The following GHR variants were observed in gnomAD, a reference collection of about 807,000 sequenced individuals.
The protein encoded by GHR is growth hormone receptor.
Under a neutral mutation model 67.1 loss-of-function variants are expected in GHR, and 35 were observed. That is an observed-to-expected ratio of 0.52 (90% CI 0.40 to 0.69). GHR has a LOEUF of 0.69. GHR is among the 30% of genes least tolerant of loss of function. The pLI, the probability that GHR is intolerant of heterozygous loss-of-function variation, is 0.00. For missense variants in GHR, 792 were observed against 764.6 expected, an observed-to-expected ratio of 1.04 and a Z score of -0.42; for synonymous variants, 272 against 269.1, an observed-to-expected ratio of 1.01 and a Z score of -0.10.
intron 1 of GHR, among the ~76,000 whole-genome samples, chr5:42,555,575 G>A (rs77250624): frequency 0.01 from 1,571 of 152,210 alleles, 16 homozygotes; most frequent in Non-Finnish European, 0.014. Flanking sequence ...GTGTGAGCTT[G>A]GGAGATTTAC....
chr5:42,663,429 G>A (rs958595300), intron 3 of GHR, among the ~76,000 whole-genome samples: 1 of 152,180 alleles, frequency 6.6e-6, no homozygotes, highest in Non-Finnish European at 1.5e-5. Context: ...GGGATGCAAG[G>A]CTGGTTCAAT....
chr5:42,513,375 G>A (rs998380316), intron 1 of GHR, among the ~76,000 whole-genome samples: 2 of 152,184 alleles, frequency 1.3e-5, no homozygotes, highest in African/African-American at 4.8e-5. Flanking sequence ...CCATATAGAG[G>A]CCGGTTATCT....
chr5:42,429,757 A>C (rs1420933626), intron 1 of GHR, among the ~76,000 whole-genome samples: 1 of 152,238 alleles, frequency 6.6e-6, no homozygotes, highest in Non-Finnish European at 1.5e-5. Flanking sequence ...AAATATACCG[A>C]AAGTAGAATG....
intron 1 of GHR, among the ~76,000 whole-genome samples, chr5:42,479,154 T>A (rs1440997656): frequency 6.6e-6 from 1 of 152,236 alleles, no homozygotes; most frequent in African/African-American, 2.4e-5. Context: ...ATGTGGTTTT[T>A]GTCTTTGGTT....
At chr5:42,639,979 A>T (rs1030360287) in intron 3 of GHR, among the ~76,000 whole-genome samples, 1 of 152,122 alleles carries the variant, frequency 6.6e-6, no homozygotes, top group African/African-American at 2.4e-5. Flanking sequence ...GTTAGCATAG[A>T]TTTCATAGTG....
intron 8 of GHR, among the ~76,000 whole-genome samples, chr5:42,715,558 T>C (rs1390236700): frequency 6.6e-6 from 1 of 152,218 alleles, no homozygotes; most frequent in African/African-American, 2.4e-5. Context: ...TTATACTGGT[T>C]CCTACCACAC....
At position 42,576,134 on chromosome 5, in the gene GHR, AAAAT is replaced by A. The variant is rs1561136062; in HGVS notation, c.70+10194_70+10197del. Among the ~76,000 whole-genome samples, 44 of 101,270 alleles carry A rather than the reference AAAAT, an allele frequency of 4.3e-4. 1 individual carries two copies. Among genetic ancestry groups the A allele is most frequent in the African/African-American group, 1.6e-3 (42 of 25,682 alleles). 66.4% of individuals were successfully genotyped at this position (101,270 alleles called of 152,430 possible). A position where few individuals can be genotyped will look rare whatever the true frequency, so the allele number is the denominator to read the frequency against. ...AAAATAAAATAAAATAAAATAAAAT[AAAAT>A]AAAATAGTAAAGTAAAATAAAATAA... is the stretch of plus-strand genomic sequence containing the variant. On this transcript the variant is annotated intron_variant, in intron 2 of 9. Coordinates refer to ENST00000230882, the MANE Select transcript of GHR (RefSeq NM_000163.5).
At chr5:42,514,173 A>T in intron 1 of GHR, 1 of 985,120 alleles carries the variant, frequency 1.0e-6, no homozygotes, top group African/African-American at 1.7e-5. Context: ...TCTTACAAGT[A>T]ATTTTTGGAT....
At chr5:42,466,962 T>C (rs1744758840) in intron 1 of GHR, 3 of 1,556,162 alleles carry the variant, frequency 1.9e-6, no homozygotes, top group Admixed American at 1.9e-5. Context: ...ACTTCTTATA[T>C]TCATAGGGCT....
rs2112767470 is a variant in GHR, at chr5:42,635,521, T to A, written c.136+6418T>A. On this transcript the variant is annotated intron_variant, in intron 3 of 9. Coordinates refer to ENST00000230882, the MANE Select transcript of GHR (RefSeq NM_000163.5). ...ACTTATATGGACTTTGCAGTGACTTTTTTCCAGCCTGAAATACTCAGATAA... is the reference window on the plus strand; with the variant it reads ...ACTTATATGGACTTTGCAGTGACTTATTTCCAGCCTGAAATACTCAGATAA... Among the ~76,000 whole-genome samples the A allele has an allele frequency of 1.3e-5, 2 of 152,370 alleles. 1 individual carries two copies. Among genetic ancestry groups the A allele is most frequent in the South Asian group, 4.1e-4 (2 of 4,834 alleles).
At chr5:42,475,167 C>CG (rs1745247751) in intron 1 of GHR, among the ~76,000 whole-genome samples, 1 of 152,032 alleles carries the variant, frequency 6.6e-6, no homozygotes, top group East Asian at 1.9e-4. Flanking sequence ...TGTGAGCCAC[C>CG]GCGCCCAGCC....
chr5:42,662,017 C>A (rs909865914), intron 3 of GHR, among the ~76,000 whole-genome samples: 3 of 152,168 alleles, frequency 2.0e-5, no homozygotes, highest in South Asian at 4.1e-4. Context: ...AAGGCCATTA[C>A]ATAATGGTAA....
Position 42,629,138 on chromosome 5 carries a change from T to C in GHR, c.136+35T>C, listed in dbSNP as rs1469831723. 2.8e-6 allele frequency: 3 copies of C among 1,057,640 alleles called. 1 individual carries two copies. Among genetic ancestry groups the C allele is most frequent in the South Asian group, 1.3e-5 (1 of 75,206 alleles). The allele number at this position is 1,057,640 out of a possible 1,614,324, so 65.5% of individuals were successfully genotyped here. A position where few individuals can be genotyped will look rare whatever the true frequency, so the allele number is the denominator to read the frequency against. ...TCAGTCCTTTTTCTTCCTTCAATGA[T>C]ATTTTCCATGTTTTAGTGTAATTAA... On this transcript the variant is annotated intron_variant, in intron 3 of 9. Transcript: ENST00000230882.
At chr5:42,498,322 G>T (rs1391077452) in intron 1 of GHR, among the ~76,000 whole-genome samples, 1 of 152,188 alleles carries the variant, frequency 6.6e-6, no homozygotes, top group East Asian at 1.9e-4. Context: ...ATTCTCCCTT[G>T]AGTCTGGAGA....
intron 3 of GHR, among the ~76,000 whole-genome samples, chr5:42,684,995 C>T (rs1757069837): frequency 6.6e-6 from 1 of 151,836 alleles, no homozygotes; most frequent in Admixed American, 6.6e-5. Flanking sequence ...GCAGAACGTG[C>T]AGGTTTGTTA....
chr5:42,477,460 T>C (rs75796515), intron 1 of GHR, among the ~76,000 whole-genome samples: 27,282 of 152,196 alleles, frequency 0.18, 2,776 homozygotes, highest in Non-Finnish European at 0.21. Flanking sequence ...ATCGCCACAC[T>C]GACTTCCACA....
At chr5:42,491,925 G>C (rs1322227709) in intron 1 of GHR, among the ~76,000 whole-genome samples, 1 of 152,182 alleles carries the variant, frequency 6.6e-6, no homozygotes, top group Non-Finnish European at 1.5e-5. Flanking sequence ...GGAAGTTTTA[G>C]ATCAGCCTGG....
intron 1 of GHR, among the ~76,000 whole-genome samples, chr5:42,547,710 G>A (rs189376289): frequency 6.6e-6 from 1 of 152,228 alleles, no homozygotes; most frequent in Admixed American, 6.5e-5. Context: ...TTAAGATGCA[G>A]GAATTTCAGT....
At chr5:42,530,009 T>C (rs1161500125) in intron 1 of GHR, among the ~76,000 whole-genome samples, 2 of 149,202 alleles carry the variant, frequency 1.3e-5, no homozygotes, top group Non-Finnish European at 3.0e-5. Context: ...CTTTTTTTTT[T>C]TTTTTTTTTT....
Sources: allele counts gnomAD v4.1 joint callset (sites outside exome capture counted in the v4.1 genomes callset), GRCh38; gene constraint gnomAD v4.1.1; transcripts MANE v1.5; gene names NCBI Gene and HGNC (gene_info 2026-07-23, HGNC 2026-07-21).